Variants in SYNJ2BP observed in about 807,000 individuals in gnomAD.
The protein encoded by SYNJ2BP is synaptojanin 2 binding protein, also known as synaptojanin-2-binding protein.
SYNJ2BP carries 10 observed loss-of-function variants against 16.9 expected under a neutral mutation model. That is an observed-to-expected ratio of 0.59 (90% confidence interval 0.36 to 1.00). The LOEUF is 1.00. Among genes scored for constraint, SYNJ2BP ranks in the 50% least tolerant of loss-of-function variants. SYNJ2BP has a pLI of 0.01. For missense variants in SYNJ2BP, 162 were observed against 186.7 expected (o/e 0.87, Z 0.77); for synonymous variants, 54 against 68.4 (o/e 0.79, Z 1.04).
intron 1 of SYNJ2BP, among the ~76,000 whole-genome samples, chr14:70,409,213 C>A (rs907551761): frequency 6.6e-6 from 1 of 152,198 alleles, no homozygotes; most frequent in Non-Finnish European, 1.5e-5. Context: ...CAATGCCTGG[C>A]TTGAACTGCA....
intron 3 of SYNJ2BP, among the ~76,000 whole-genome samples, chr14:70,374,344 G>C (rs925335732): frequency 6.6e-6 from 1 of 152,074 alleles, no homozygotes; most frequent in African/African-American, 2.4e-5. Flanking sequence ...GCTTGCAACT[G>C]GTTGTTTTCT....
intron 1 of SYNJ2BP, among the ~76,000 whole-genome samples, chr14:70,393,450 G>A (rs538575344): frequency 1.1e-4 from 17 of 152,124 alleles, no homozygotes; most frequent in Non-Finnish European, 1.8e-4. Context: ...TCCCATTACT[G>A]GGTATATACC....
intron 3 of SYNJ2BP, 72 bp from the exon 4 acceptor site, chr14:70,373,203 A>T (rs1277707223): frequency 1.3e-6 from 2 of 1,578,448 alleles, no homozygotes; most frequent in East Asian, 4.5e-5. Context: ...AGGTTGATAC[A>T]TCACCTGGGT....
At chr14:70,404,745 T>C (rs1364742502) in intron 1 of SYNJ2BP, among the ~76,000 whole-genome samples, 1 of 152,154 alleles carries the variant, frequency 6.6e-6, no homozygotes, top group African/African-American at 2.4e-5. Flanking sequence ...ATAAAGAAAG[T>C]AAGATGTGAA....
At position 70,366,618 on chromosome 14, in the gene SYNJ2BP, T is replaced by A. The variant is rs1488525838; in HGVS notation, c.*6373A>T. The A allele has an allele frequency of 6.6e-6, 1 of 152,178 alleles. No homozygotes were observed. The highest frequency in any genetic ancestry group is 1.5e-5 in the Non-Finnish European group (1 of 68,030). The allele number at this position is 152,178 out of a possible 1,614,324, so 9.4% of individuals were successfully genotyped here. Reference sequence around the variant, plus strand: ...ACAAAGCCTGAAAGATTACCATAGATTTTGATGGCCTCATTAACATAATTA... The same window carrying A: ...ACAAAGCCTGAAAGATTACCATAGAATTTGATGGCCTCATTAACATAATTA... On this transcript the variant is annotated 3_prime_UTR_variant, in exon 4 of 4. Coordinates refer to ENST00000256366, the MANE Select transcript of SYNJ2BP (RefSeq NM_018373.3).
intron 1 of SYNJ2BP, among the ~76,000 whole-genome samples, chr14:70,389,863 A>G (rs879761308): frequency 6.6e-6 from 1 of 152,232 alleles, no homozygotes; most frequent in Admixed American, 6.5e-5. Context: ...AGTCCTTGGA[A>G]ACCACCATTC....
At chr14:70,381,455 G>A (rs376890588) in intron 2 of SYNJ2BP, among the ~76,000 whole-genome samples, 1 of 152,056 alleles carries the variant, frequency 6.6e-6, no homozygotes, top group African/African-American at 2.4e-5. Flanking sequence ...TCATGATTAC[G>A]ACTTTCTCCC....
rs760039033 is a variant in SYNJ2BP, at chr14:70,416,976, G to C, written c.-13C>G. 2 of 1,614,082 alleles carry C rather than the reference G, an allele frequency of 1.2e-6. No homozygotes were observed. Among genetic ancestry groups the C allele is most frequent in the East Asian group, 2.2e-5 (1 of 44,862 alleles). ...CTCTTCCGTTCATGTTTTACAGCTC[G>C]TCTGGCTTCCTACTTGGGTCAGCTG... On this transcript the variant is annotated 5_prime_UTR_variant, in exon 1 of 4. Coordinates refer to ENST00000256366, the MANE Select transcript of SYNJ2BP (RefSeq NM_018373.3).
chr14:70,384,005 T>G (rs1030602709), intron 2 of SYNJ2BP, among the ~76,000 whole-genome samples: 14 of 151,762 alleles, frequency 9.2e-5, no homozygotes, highest in Non-Finnish European at 1.8e-4. Flanking sequence ...TTGCCCAGGC[T>G]GGAGTGCAGT....
intron 1 of SYNJ2BP, among the ~76,000 whole-genome samples, chr14:70,400,490 G>A (rs767278706): frequency 4.0e-5 from 6 of 151,844 alleles, no homozygotes; most frequent in Non-Finnish European, 8.8e-5. Flanking sequence ...AAACCCTTGT[G>A]GTTTTATTCC....
At position 70,416,953 on chromosome 14, in the gene SYNJ2BP, C is replaced by G. The variant is rs200112970; in HGVS notation, c.11G>C (p.Arg4Thr). 3.7e-6 allele frequency: 6 copies of G among 1,614,066 alleles called. No homozygotes were observed. Among genetic ancestry groups the G allele is most frequent in the African/African-American group, 1.3e-5 (1 of 74,924 alleles). The change falls in exon 1 of 4, where the codon AGA becomes ACA. Residue 4 changes from arginine (R) to threonine (T), a missense_variant. Physicochemically the swap from Arg to Thr is moderately conservative, Grantham distance 71 (BLOSUM62 -1). Transcript: ENST00000256366. MNG[R>T]VDYLVTEEEI... is the part of the protein sequence containing the mutation. ...TTCCTCAGTGACCAAATAATCCACT[C>G]TTCCGTTCATGTTTTACAGCTCGTC...
rs1420864524 is a variant in SYNJ2BP, at chr14:70,367,505, T to C, written c.*5486A>G. 7.7e-6 allele frequency: 1 copy of C among 129,690 alleles called. No homozygotes were observed. Among genetic ancestry groups the C allele is most frequent in the African/African-American group, 3.1e-5 (1 of 32,766 alleles). The allele number at this position is 129,690 out of a possible 1,614,324, so 8.0% of individuals were successfully genotyped here. ...TGAACCCGGGCGGCAGAGATTGCAG[T>C]GAGCTGAGATCGTGCCACTGCACTC... On this transcript the variant is annotated 3_prime_UTR_variant, in exon 4 of 4. Coordinates refer to ENST00000256366, the MANE Select transcript of SYNJ2BP (RefSeq NM_018373.3).
chr14:70,409,712 G>A (rs1425370615), intron 1 of SYNJ2BP, among the ~76,000 whole-genome samples: 1 of 152,150 alleles, frequency 6.6e-6, no homozygotes, highest in Non-Finnish European at 1.5e-5. Flanking sequence ...ATAATACAAT[G>A]TGTCCATCCT....
chr14:70,416,824 C>A, intron 1 of SYNJ2BP, 76 bp downstream of exon 1: 1 of 1,606,162 alleles, frequency 6.2e-7, no homozygotes, highest in Non-Finnish European at 8.5e-7. Flanking sequence ...CCAGGTGAAT[C>A]CGGCTCAGCA....
At chr14:70,402,052 G>A (rs1888250463) in intron 1 of SYNJ2BP, among the ~76,000 whole-genome samples, 1 of 152,108 alleles carries the variant, frequency 6.6e-6, no homozygotes. Context: ...GACCCCTCAA[G>A]GAACGCTGAA....
At chr14:70,387,890 A>T (rs1887894354) in intron 2 of SYNJ2BP, among the ~76,000 whole-genome samples, 1 of 151,806 alleles carries the variant, frequency 6.6e-6, no homozygotes, top group African/African-American at 2.4e-5. Context: ...GAAAATAGTA[A>T]GATTAATAAT....
intron 1 of SYNJ2BP, among the ~76,000 whole-genome samples, chr14:70,414,170 T>G (rs532184846): frequency 6.6e-6 from 1 of 152,170 alleles, no homozygotes; most frequent in Admixed American, 6.5e-5. Flanking sequence ...GGTAAGTGAT[T>G]AACATGAACT....
intron 2 of SYNJ2BP, among the ~76,000 whole-genome samples, chr14:70,382,195 C>T (rs1387522776): frequency 2.6e-5 from 4 of 151,952 alleles, no homozygotes; most frequent in Non-Finnish European, 2.9e-5. Context: ...GAGATTGCGC[C>T]GATGCATTCC....
chr14:70,376,660 T>C (rs1160408036), intron 2 of SYNJ2BP, among the ~76,000 whole-genome samples: 1 of 152,248 alleles, frequency 6.6e-6, no homozygotes, highest in East Asian at 1.9e-4. Context: ...TCTCTTTTAA[T>C]TCTCATGATA....
Sources: allele counts gnomAD v4.1 joint callset (sites outside exome capture counted in the v4.1 genomes callset), GRCh38; gene constraint gnomAD v4.1.1; transcripts MANE v1.5; gene names NCBI Gene and HGNC (gene_info 2026-07-23, HGNC 2026-07-21).